SLCO3A1: variants seen among roughly 807,000 people sequenced by gnomAD.
The protein encoded by SLCO3A1 is solute carrier organic anion transporter family member 3A1, also known as PGE1 transporter.
Under a neutral mutation model 63.1 loss-of-function variants are expected in SLCO3A1, and 27 were observed. That is an observed-to-expected ratio of 0.43 (90% CI 0.32 to 0.59). The LOEUF (loss-of-function observed/expected upper bound fraction) is 0.59, where lower values mean the gene tolerates loss of function less well. Among genes scored for constraint, SLCO3A1 ranks in the 20% least tolerant of loss-of-function variants. SLCO3A1 has a pLI of 0.09. For missense variants in SLCO3A1, 773 were observed against 945.8 expected (o/e 0.82, Z 2.40); for synonymous variants, 473 against 409.9 (o/e 1.15, Z -1.86).
intron 2 of SLCO3A1, among the ~76,000 whole-genome samples, chr15:91,928,490 A>T (rs1339620009): frequency 6.6e-6 from 1 of 152,066 alleles, no homozygotes; most frequent in African/African-American, 2.4e-5. Context: ...TTCCCATCGT[A>T]TGCTACCCCT....
intron 2 of SLCO3A1, among the ~76,000 whole-genome samples, chr15:92,008,797 T>C (rs1042343690): frequency 3.3e-5 from 5 of 152,240 alleles, no homozygotes; most frequent in Admixed American, 2.6e-4. Flanking sequence ...ATATGATATA[T>C]GTGAATGTAA....
intron 2 of SLCO3A1, among the ~76,000 whole-genome samples, chr15:91,980,842 C>G (rs1193546078): frequency 6.6e-6 from 1 of 152,130 alleles, no homozygotes; most frequent in African/African-American, 2.4e-5. Context: ...TTCCCAGGTC[C>G]GGGAAAGACT....
chr15:92,049,756 A>G (rs980961740), intron 2 of SLCO3A1, among the ~76,000 whole-genome samples: 4 of 152,142 alleles, frequency 2.6e-5, no homozygotes, highest in Non-Finnish European at 2.9e-5. Flanking sequence ...AGTTTCCAAG[A>G]GATTACTGAC....
chr15:91,932,055 A>G (rs1899254793), intron 2 of SLCO3A1, among the ~76,000 whole-genome samples: 3 of 152,098 alleles, frequency 2.0e-5, no homozygotes, highest in Admixed American at 2.0e-4. Context: ...GAGAGAGTGC[A>G]TATCGTATGC....
At chr15:92,086,857 T>C (rs1038550878) in intron 2 of SLCO3A1, among the ~76,000 whole-genome samples, 11 of 151,744 alleles carry the variant, frequency 7.2e-5, no homozygotes, top group Non-Finnish European at 1.5e-4. Context: ...ACGCCTGTAA[T>C]CCCAGCTACT....
In SLCO3A1 at chr15:92,120,625, G is replaced by A. The variant is rs765079163; in HGVS notation, c.1170G>A (p.Leu390=). 6.2e-7 allele frequency: 1 copy of A among 1,613,552 alleles called. No individual in the cohort carries two copies. ...TCACCACCTCTTCTGCCAACCAGCT[G>A]CTTGGTGAGTGTGTCCTCAGGCCTC... ...FNLTTSSANQ[L]LGMTAIPCAC... is the part of the protein sequence containing the mutation. The change falls in exon 5 of 10, where the codon CTG becomes CTA. Residue 390 remains leucine, a synonymous_variant. Transcript: ENST00000318445.
At position 91,864,807 on chromosome 15, in the gene SLCO3A1, G is replaced by A. The variant is rs116570905; in HGVS notation, c.180+10719G>A. On this transcript the variant is annotated intron_variant, in intron 1 of 9. Transcript: ENST00000318445. Reference sequence around the variant, plus strand: ...CGCCTTGGTGCTGCTTTTTGCACCCGGTGAGCCCAACAGTGATGGTCACAG... The same window carrying A: ...CGCCTTGGTGCTGCTTTTTGCACCCAGTGAGCCCAACAGTGATGGTCACAG... Among the ~76,000 whole-genome samples the A allele has an allele frequency of 7.8e-3, 1,182 of 152,224 alleles. 20 individuals are homozygous for A. Among genetic ancestry groups the A allele is most frequent in the African/African-American group, 0.027 (1,109 of 41,526 alleles).
intron 2 of SLCO3A1, among the ~76,000 whole-genome samples, chr15:91,995,321 C>A (rs2046177785): frequency 6.6e-6 from 1 of 152,152 alleles, no homozygotes; most frequent in South Asian, 2.1e-4. Flanking sequence ...AGTGTCCTTG[C>A]ATGTAAAATA....
intron 2 of SLCO3A1, among the ~76,000 whole-genome samples, chr15:91,934,648 A>G (rs7179958): frequency 0.68 from 103,132 of 152,114 alleles, 35,414 homozygotes; most frequent in East Asian, 0.97. Flanking sequence ...TACATTGCAA[A>G]TCTATGGGTT....
intron 2 of SLCO3A1, among the ~76,000 whole-genome samples, chr15:91,952,628 C>G (rs116753491): frequency 1.6e-3 from 244 of 152,278 alleles, no homozygotes; most frequent in African/African-American, 5.7e-3. Context: ...TGTTCAAGAT[C>G]AATGAAAGAC....
intron 2 of SLCO3A1, among the ~76,000 whole-genome samples, chr15:92,057,793 A>T (rs1023091328): frequency 1.3e-5 from 2 of 152,220 alleles, no homozygotes; most frequent in Admixed American, 6.5e-5. Context: ...AAATGAGCAC[A>T]TTTGGTTGCA....
At chr15:92,104,249 TC>T (rs1260142120) in intron 3 of SLCO3A1, 29 bp from the exon 4 acceptor site, 2 of 1,608,528 alleles carry the variant, frequency 1.2e-6, no homozygotes, top group African/African-American at 1.3e-5. Flanking sequence ...CCTTCTTTTC[TC>T]CACTAAGCTG....
At chr15:92,079,161 C>T (rs948943041) in intron 2 of SLCO3A1, among the ~76,000 whole-genome samples, 10 of 152,166 alleles carry the variant, frequency 6.6e-5, no homozygotes, top group Non-Finnish European at 1.3e-4. Context: ...TTTATCCTGA[C>T]ATCTGGGGGC....
At chr15:91,947,112 G>T (rs1050922733) in intron 2 of SLCO3A1, among the ~76,000 whole-genome samples, 3 of 152,120 alleles carry the variant, frequency 2.0e-5, no homozygotes, top group African/African-American at 7.2e-5. Context: ...TTCCTTCCCT[G>T]GCCTTGAGAG....
intron 4 of SLCO3A1, among the ~76,000 whole-genome samples, chr15:92,110,153 G>C (rs1193191408): frequency 2.0e-5 from 3 of 152,102 alleles, no homozygotes; most frequent in Non-Finnish European, 4.4e-5. Context: ...ACCTTTTGAG[G>C]AGCTGAGATC....
intron 8 of SLCO3A1, chr15:92,149,116 C>T (rs1189894061): frequency 6.6e-6 from 1 of 152,430 alleles, no homozygotes; most frequent in Non-Finnish European, 1.5e-5. Flanking sequence ...TCTGCAAAAA[C>T]CCAGCCTCTA....
At position 92,143,469 on chromosome 15, in the gene SLCO3A1, A is replaced by AATAAAT. The variant is rs2048176169; in HGVS notation, c.1513-3512_1513-3511insAATATA. Among the ~76,000 whole-genome samples, 12 of 21,194 alleles carry AATAAAT rather than the reference A, an allele frequency of 5.7e-4. 3 individuals carry two copies. Among genetic ancestry groups the AATAAAT allele is most frequent in the African/African-American group, 3.5e-3 (12 of 3,476 alleles). 13.9% of individuals were successfully genotyped at this position (21,194 alleles called of 152,430 possible). The stretch of plus-strand genomic sequence containing the variant: ...ATATATAATATATATAATATATATA[A>AATAAAT]ATATATATATATATTATATATATGT... On this transcript the variant is annotated intron_variant, in intron 7 of 9. Transcript: ENST00000318445.
At chr15:91,964,117 T>G (rs78693714) in intron 2 of SLCO3A1, among the ~76,000 whole-genome samples, 2 of 152,244 alleles carry the variant, frequency 1.3e-5, no homozygotes, top group East Asian at 3.9e-4. Flanking sequence ...GCTTCACCTC[T>G]CAGTATGGGT....
In SLCO3A1 at chr15:91,926,596, T is replaced by TGTGTGTGTGCGCGCGCGC; in HGVS notation, c.646+10139_646+10140insTGTGTGTGCGCGCGCGCG. 1.2e-3 allele frequency among the ~76,000 whole-genome samples: 122 copies of TGTGTGTGTGCGCGCGCGC among 105,308 alleles called. 1 individual carries two copies. Among genetic ancestry groups the TGTGTGTGTGCGCGCGCGC allele is most frequent in the African/African-American group, 4.3e-3 (117 of 27,390 alleles). The allele number at this position is 105,308 out of a possible 152,430, so 69.1% of individuals were successfully genotyped here. The stretch of plus-strand genomic sequence containing the variant: ...GTGTGTGTGTGTGTGTGTGTGTGTG[T>TGTGTGTGTGCGCGCGCGC]GCGCGCGCGCACGCCCATGCTTATT... On this transcript the variant is annotated intron_variant, in intron 2 of 9. Transcript: ENST00000318445.
Sources: allele counts gnomAD v4.1 joint callset (sites outside exome capture counted in the v4.1 genomes callset), GRCh38; gene constraint gnomAD v4.1.1; transcripts MANE v1.5; gene names NCBI Gene and HGNC (gene_info 2026-07-23, HGNC 2026-07-21).